HYCC2: variants seen among roughly 807,000 people sequenced by gnomAD.
The protein encoded by HYCC2 is hyccin 2.
chr2:200,986,076 C>T, the HYCC2 span, among the ~76,000 whole-genome samples: 1 of 152,118 alleles, frequency 6.6e-6, no homozygotes, highest in East Asian at 1.9e-4. Context: ...TGTGTTTATA[C>T]AAGATAAAAC....
chr2:200,978,046 A>T, the HYCC2 span: 9 of 152,190 alleles, frequency 5.9e-5, no homozygotes. Flanking sequence ...TTTTTCATAG[A>T]TGATTAGACT....
At chr2:201,006,530 C>A in the HYCC2 span, among the ~76,000 whole-genome samples, 1 of 151,804 alleles carries the variant, frequency 6.6e-6, no homozygotes, top group African/African-American at 2.4e-5. Context: ...ACTATTAGCT[C>A]AATTATACTA....
chr2:201,056,638 C>T, the HYCC2 span, among the ~76,000 whole-genome samples: 4 of 148,326 alleles, frequency 2.7e-5, no homozygotes, highest in Admixed American at 2.7e-4. Context: ...CATGCCATTG[C>T]ACTCCAGCCT....
At chr2:201,009,683 C>T in the HYCC2 span, among the ~76,000 whole-genome samples, 1 of 152,082 alleles carries the variant, frequency 6.6e-6, no homozygotes, top group African/African-American at 2.4e-5. Context: ...TGGTCTCAAA[C>T]TTCTGACCTC....
the HYCC2 span, among the ~76,000 whole-genome samples, chr2:201,055,916 C>T: frequency 6.6e-6 from 1 of 151,278 alleles, no homozygotes; most frequent in Non-Finnish European, 1.5e-5. Flanking sequence ...TAGCTGGGCA[C>T]GGTGGCTCAC....
chr2:201,052,195 G>A, the HYCC2 span: 1 of 152,796 alleles, frequency 6.5e-6, no homozygotes, highest in South Asian at 2.0e-4. Context: ...CTATTCAGGA[G>A]GCAGAGGCAG....
At chr2:201,041,864 AATG>A in the HYCC2 span, among the ~76,000 whole-genome samples, 1 of 152,192 alleles carries the variant, frequency 6.6e-6, no homozygotes, top group Non-Finnish European at 1.5e-5. Context: ...AGTTTCCTAC[AATG>A]ATTAGTTATT....
the HYCC2 span, among the ~76,000 whole-genome samples, chr2:201,070,243 T>C: frequency 1.3e-5 from 2 of 152,184 alleles, no homozygotes; most frequent in African/African-American, 4.8e-5. Context: ...TTTAGTTAAT[T>C]ATATCTATAA....
the HYCC2 span, among the ~76,000 whole-genome samples, chr2:201,001,672 C>A: frequency 1.3e-5 from 2 of 151,706 alleles, no homozygotes; most frequent in Non-Finnish European, 2.9e-5. Context: ...AATTTTATTT[C>A]TATTTTTATT....
the HYCC2 span, chr2:200,981,320 T>C: frequency 6.2e-7 from 1 of 1,614,062 alleles, no homozygotes; most frequent in Non-Finnish European, 8.5e-7. The surrounding 1 kb of genome is among the most constrained non-coding windows in gnomAD (Gnocchi z 4.5). Context: ...CGAGACTGCT[T>C]GGTCAAGGGG....
At chr2:201,043,519 T>C in the HYCC2 span, among the ~76,000 whole-genome samples, 1 of 150,244 alleles carries the variant, frequency 6.7e-6, no homozygotes, top group Non-Finnish European at 1.5e-5. Context: ...TTTCTTTTTT[T>C]TTTTTTTGAG....
chr2:201,023,182 T>G, the HYCC2 span, among the ~76,000 whole-genome samples: 43 of 152,208 alleles, frequency 2.8e-4, no homozygotes, highest in African/African-American at 1.0e-3. Flanking sequence ...AACCTGTCTC[T>G]ACTAAAAATA....
At chr2:201,003,805 CT>C in the HYCC2 span, among the ~76,000 whole-genome samples, 9,232 of 66,874 alleles carry the variant, frequency 0.14, 106 homozygotes, top group African/African-American at 0.25. Context: ...GTTGTTGTTG[CT>C]TTTTTTTTTT....
At chr2:201,020,494 A>C in the HYCC2 span, among the ~76,000 whole-genome samples, 1 of 152,198 alleles carries the variant, frequency 6.6e-6, no homozygotes, top group African/African-American at 2.4e-5. Flanking sequence ...ATAATATAAT[A>C]GGAGGTAAGC....
chr2:200,989,766 A>G, the HYCC2 span, among the ~76,000 whole-genome samples: 1 of 152,226 alleles, frequency 6.6e-6, no homozygotes, highest in Non-Finnish European at 1.5e-5. Flanking sequence ...GTGAACTGTG[A>G]TCACACCACT....
the HYCC2 span, among the ~76,000 whole-genome samples, chr2:200,994,549 C>A: frequency 8.5e-5 from 13 of 152,274 alleles, no homozygotes; most frequent in East Asian, 2.5e-3. Context: ...GAAATTATAT[C>A]ATTTCTACCT....
At chr2:200,993,825 CA>C in the HYCC2 span, among the ~76,000 whole-genome samples, 142 of 139,684 alleles carry the variant, frequency 1.0e-3, no homozygotes, top group Non-Finnish European at 9.6e-4. Flanking sequence ...ACTAAAAATA[CA>C]AAAAAAAAAA....
At chr2:200,988,513 A>G in the HYCC2 span, 1 of 854,216 alleles carries the variant, frequency 1.2e-6, no homozygotes. Context: ...ATATGTATTT[A>G]AAATTTGCAT....
chr2:200,982,019 G>A, the HYCC2 span: 2 of 772,642 alleles, frequency 2.6e-6, no homozygotes, highest in Middle Eastern at 2.9e-4. Flanking sequence ...TAATTTAGGG[G>A]AAATCTTAAT....
Sources: gnomAD v4.1 joint callset for allele counts (sites outside exome capture counted in the v4.1 genomes callset) on GRCh38, gnomAD v4.1.1 for gene constraint, Gnocchi (gnomAD v3.1) non-coding constraint, MANE v1.5 for transcripts, NCBI Gene and HGNC (gene_info 2026-07-23, HGNC 2026-07-21) for gene names.